PSKH1: variants seen among roughly 807,000 people sequenced by gnomAD.
PSKH1 encodes serine/threonine-protein kinase H1.
A neutral mutation model predicts 26.7 loss-of-function variants in PSKH1; 12 were observed. That is an observed-to-expected ratio of 0.45 (90% confidence interval 0.29 to 0.73). The LOEUF (loss-of-function observed/expected upper bound fraction) is 0.73. PSKH1 is among the 30% of genes least tolerant of loss of function. PSKH1 has a pLI of 0.11. For missense variants in PSKH1, 431 were observed against 595.2 expected, an observed-to-expected ratio of 0.72 and a Z score of 2.87; for synonymous variants, 213 against 234.3, an observed-to-expected ratio of 0.91 and a Z score of 0.83.
chr16:67,921,481 A>C (rs966816866), intron 2 of PSKH1, among the ~76,000 whole-genome samples: 2 of 151,800 alleles, frequency 1.3e-5, no homozygotes, highest in Non-Finnish European at 2.9e-5. Flanking sequence ...AGGCCGAGGC[A>C]GGAGAATCGG....
intron 1 of PSKH1, among the ~76,000 whole-genome samples, chr16:67,899,906 C>A (rs1412127712): frequency 6.6e-6 from 1 of 151,804 alleles, no homozygotes; most frequent in African/African-American, 2.4e-5. Flanking sequence ...GCCTCGGCCT[C>A]CCAAAGTGCT....
chr16:67,927,236 A>G lies in PSKH1; in HGVS notation c.958-89A>G. On this transcript the variant is annotated intron_variant, in intron 2 of 2. Transcript: ENST00000291041. This position sits in a 1 kb window ranked among gnomAD's most constrained non-coding sequence, Gnocchi z 5.5. ...GAGGAGGGGCAGCACCTCTCTCTGG[A>G]AAGGGGAGGGTTGCTGAGTAGTGGC... 1 of 1,330,612 alleles carries G rather than the reference A, an allele frequency of 7.5e-7. No homozygotes were observed. The highest frequency in any genetic ancestry group is 1.0e-6 in the Non-Finnish European group (1 of 967,704). 82.4% of individuals were successfully genotyped at this position (1,330,612 alleles called of 1,614,324 possible).
chr16:67,919,036 C>T (rs1326572304), intron 2 of PSKH1, among the ~76,000 whole-genome samples: 1 of 152,198 alleles, frequency 6.6e-6, no homozygotes, highest in Admixed American at 6.6e-5. Context: ...CTGTCTCCCT[C>T]CCTGCCCCTC....
Position 67,909,863 on chromosome 16 carries a change from T to C in PSKH1, c.957+157T>C. On this transcript the variant is annotated intron_variant, in intron 2 of 2. Transcript: ENST00000291041. The surrounding 1 kb of genome is among the most constrained non-coding windows in gnomAD (Gnocchi z 7.8). The stretch of plus-strand genomic sequence containing the variant: ...CAAAGTGAGACTATCAGAATGTAGT[T>C]TGGGTTCCCTCAAGGTGAGCCCTGA... 1.4e-6 allele frequency: 1 copy of C among 703,822 alleles called. No individual in the cohort carries two copies. Among genetic ancestry groups the C allele is most frequent in the East Asian group, 2.7e-5 (1 of 36,664 alleles). The allele number at this position is 703,822 out of a possible 1,614,324, so 43.6% of individuals were successfully genotyped here.
At chr16:67,917,944 G>A (rs747310534) in intron 2 of PSKH1, among the ~76,000 whole-genome samples, 68 of 152,172 alleles carry the variant, frequency 4.5e-4, no homozygotes, top group Non-Finnish European at 7.8e-4. Context: ...TGGAAGTGGT[G>A]GGGAGACACA....
intron 2 of PSKH1, among the ~76,000 whole-genome samples, chr16:67,915,222 T>A (rs1471245147): frequency 2.0e-5 from 3 of 151,854 alleles, no homozygotes; most frequent in Non-Finnish European, 2.9e-5. Flanking sequence ...TGTGTGTGTG[T>A]GTGTGTGTGT....
chr16:67,903,721 C>T (rs1466606696), intron 1 of PSKH1, among the ~76,000 whole-genome samples: 1 of 151,982 alleles, frequency 6.6e-6, no homozygotes, highest in Non-Finnish European at 1.5e-5. Context: ...ACACTCCTGA[C>T]CACTTGCCGC....
rs536089510 is a variant in PSKH1, at chr16:67,913,578, G to A, written c.957+3872G>A. Among the ~76,000 whole-genome samples the A allele has an allele frequency of 5.3e-5, 8 of 152,266 alleles. No homozygotes were observed. The East Asian group carries it at 5.8e-4, about 11-fold the overall frequency. On this transcript the variant is annotated intron_variant, in intron 2 of 2. Transcript: ENST00000291041. ...TGCTGCCTCTGCTTACCAGGAGACC[G>A]TCTAGCTGTGAAGTGAGTGGCTGGA...
chr16:67,899,735 C>T (rs184463680), intron 1 of PSKH1, among the ~76,000 whole-genome samples: 1 of 151,586 alleles, frequency 6.6e-6, no homozygotes, highest in East Asian at 1.9e-4. Flanking sequence ...GCAACCTCTG[C>T]CTCTCAGGTT....
Position 67,895,674 on chromosome 16 carries a change from TG to T in PSKH1, c.-71+2306del, listed in dbSNP as rs539683219. ...CACCCGTCTCAGCCTCCCAAAGTGC[TG>T]GGATTACAGGCGTGAGCCACCATGT... On this transcript the variant is annotated intron_variant, in intron 1 of 2. Transcript: ENST00000291041. Among the ~76,000 whole-genome samples the T allele has an allele frequency of 1.3e-4, 20 of 152,342 alleles. No homozygotes were observed. The East Asian group carries it at 3.7e-3, about 28-fold the overall frequency.
intron 2 of PSKH1, among the ~76,000 whole-genome samples, chr16:67,919,367 C>G (rs1036826330): frequency 1.3e-5 from 2 of 152,168 alleles, no homozygotes; most frequent in Non-Finnish European, 2.9e-5. Flanking sequence ...GCTGACAGCA[C>G]GAGCAAACAC....
intron 2 of PSKH1, among the ~76,000 whole-genome samples, chr16:67,916,088 C>T (rs552362611): frequency 1.3e-5 from 2 of 152,266 alleles, no homozygotes; most frequent in South Asian, 2.1e-4. Context: ...CCCACCCACT[C>T]CAGCCATCTG....
chr16:67,925,076 A>C (rs1421315496), intron 2 of PSKH1, among the ~76,000 whole-genome samples: 1 of 151,678 alleles, frequency 6.6e-6, no homozygotes, highest in Non-Finnish European at 1.5e-5. Flanking sequence ...GAGTGTTGGG[A>C]TTATAGGCGG....
At position 67,929,652 on chromosome 16, in the gene PSKH1, C is replaced by T; in HGVS notation, c.*2010C>T. The T allele has an allele frequency of 2.1e-6, 1 of 479,554 alleles. No individual in the cohort carries two copies. The highest frequency in any genetic ancestry group is 2.9e-5 in the South Asian group (1 of 34,152). The allele number at this position is 479,554 out of a possible 1,614,324, so 29.7% of individuals were successfully genotyped here. A position where few individuals can be genotyped will look rare whatever the true frequency, so the allele number is the denominator to read the frequency against. On this transcript the variant is annotated 3_prime_UTR_variant, in exon 3 of 3. Transcript: ENST00000291041. ...GTATTCAGTAAACAGGCTGCCTCTCCAGGGAGGGCTGCCATTCATTCCAAC... is the reference window on the plus strand; with the variant it reads ...GTATTCAGTAAACAGGCTGCCTCTCTAGGGAGGGCTGCCATTCATTCCAAC...
At chr16:67,894,242 T>G (rs2058120042) in intron 1 of PSKH1, among the ~76,000 whole-genome samples, 1 of 152,154 alleles carries the variant, frequency 6.6e-6, no homozygotes, top group African/African-American at 2.4e-5. Context: ...AGCCTTGAAC[T>G]CCTGGACTCA....
chr16:67,905,068 C>G (rs534729638), intron 1 of PSKH1, among the ~76,000 whole-genome samples: 161 of 151,740 alleles, frequency 1.1e-3, no homozygotes, highest in African/African-American at 3.8e-3. Flanking sequence ...CCTCATGATC[C>G]ACCCGCCTCG....
intron 1 of PSKH1, among the ~76,000 whole-genome samples, chr16:67,895,221 C>G (rs1423440056): frequency 6.6e-6 from 1 of 150,712 alleles, no homozygotes; most frequent in African/African-American, 2.5e-5. Flanking sequence ...CTATGCCTGG[C>G]TGAGATTTTT....
At chr16:67,925,255 G>A (rs543557139) in intron 2 of PSKH1, among the ~76,000 whole-genome samples, 2 of 151,894 alleles carry the variant, frequency 1.3e-5, no homozygotes, top group East Asian at 3.9e-4. Flanking sequence ...GAGTGCAGTG[G>A]TGCGATCTTG....
intron 2 of PSKH1, among the ~76,000 whole-genome samples, chr16:67,918,066 A>G (rs1031004601): frequency 2.0e-5 from 3 of 152,118 alleles, no homozygotes; most frequent in Non-Finnish European, 4.4e-5. Context: ...TTTCTAAAGG[A>G]TGACACAGAA....
Sources: allele counts gnomAD v4.1 joint callset (sites outside exome capture counted in the v4.1 genomes callset), GRCh38; gene constraint gnomAD v4.1.1; non-coding constraint Gnocchi (gnomAD v3.1); transcripts MANE v1.5; gene names NCBI Gene and HGNC (gene_info 2026-07-23, HGNC 2026-07-21).